FRMPD4: variants seen among roughly 807,000 people sequenced by gnomAD.
The protein encoded by FRMPD4 is FERM and PDZ domain-containing protein 4.
A neutral mutation model predicts 94.1 loss-of-function variants in FRMPD4; 22 were observed. The observed-to-expected ratio is 0.23, with a 90% CI of 0.17 to 0.33. FRMPD4 has a LOEUF of 0.33. Among genes scored for constraint, FRMPD4 ranks in the 10% least tolerant of loss-of-function variants. The pLI is 1.00. For missense variants in FRMPD4, 1,111 were observed against 1,339.9 expected, an observed-to-expected ratio of 0.83 and a Z score of 2.67; for synonymous variants, 631 against 548.6, an observed-to-expected ratio of 1.15 and a Z score of -2.10.
chrX:12,549,682 G>A (rs1472883702), intron 2 of FRMPD4, among the ~76,000 whole-genome samples: 1 of 111,969 alleles, frequency 8.9e-6, no homozygotes, highest in Non-Finnish European at 1.9e-5. Context: ...TGCTGTTAGC[G>A]GCAGTATCCA....
At chrX:12,349,284 T>C (rs2055763897) in intron 1 of FRMPD4, among the ~76,000 whole-genome samples, 1 of 110,252 alleles carries the variant, frequency 9.1e-6, no homozygotes, top group African/African-American at 3.3e-5. Flanking sequence ...CATGCACAGA[T>C]CTCCCCCACA....
Position 12,494,952 on chromosome X carries a change from C to T in FRMPD4, c.42-3728C>T, listed in dbSNP as rs765188236. On this transcript the variant is annotated intron_variant, in intron 1 of 16. Transcript: ENST00000675598. ...GCTAAGCGTTTGAAAGTGGTTCACACAGCCATGCTCTCAGATAGAAGTCAC... is the reference window on the plus strand; with the variant it reads ...GCTAAGCGTTTGAAAGTGGTTCACATAGCCATGCTCTCAGATAGAAGTCAC... The T allele has an allele frequency of 5.4e-4, 271 of 498,553 alleles. No individual in the cohort carries two copies. Among genetic ancestry groups the T allele is most frequent in the Non-Finnish European group, 6.2e-4 (253 of 406,688 alleles). 41.1% of individuals were successfully genotyped at this position (498,553 alleles called of 1,213,427 possible).
At chrX:11,921,842 G>A (rs1304326383) in intron 3 of FRMPD4, among the ~76,000 whole-genome samples, 1 of 112,305 alleles carries the variant, frequency 8.9e-6, no homozygotes. Flanking sequence ...GATACACCTA[G>A]TATCATAAAA....
intron 1 of FRMPD4, among the ~76,000 whole-genome samples, chrX:11,838,575 A>G (rs1365872659): frequency 2.7e-5 from 3 of 111,404 alleles, no homozygotes; most frequent in Non-Finnish European, 5.7e-5. Flanking sequence ...GTCTTAGTTT[A>G]GAATTTTTCC....
intron 4 of FRMPD4, among the ~76,000 whole-genome samples, chrX:12,620,034 G>T: frequency 8.9e-6 from 1 of 112,504 alleles, no homozygotes; most frequent in Non-Finnish European, 1.9e-5. Flanking sequence ...CTCAGCCATG[G>T]TCAGGGAGAC....
chrX:12,351,011 T>G (rs909639393), intron 1 of FRMPD4, among the ~76,000 whole-genome samples: 5 of 110,952 alleles, frequency 4.5e-5, no homozygotes, highest in African/African-American at 9.8e-5. Context: ...CCGTCTCTAC[T>G]AAAAATACAA....
chrX:11,998,404 T>C (rs2054507731), intron 3 of FRMPD4, among the ~76,000 whole-genome samples: 1 of 111,621 alleles, frequency 9.0e-6, no homozygotes, highest in African/African-American at 3.3e-5. Flanking sequence ...GTTTTGTTTT[T>C]GTGGTTGTTA....
chrX:12,142,910 C>T (rs1282526563), intron 1 of FRMPD4, among the ~76,000 whole-genome samples: 1 of 112,220 alleles, frequency 8.9e-6, no homozygotes, highest in Non-Finnish European at 1.9e-5. Context: ...GAAAGTCTCA[C>T]TTTCTGCTTA....
chrX:12,177,264 C>T (rs1284707799), intron 1 of FRMPD4, among the ~76,000 whole-genome samples: 21 of 112,132 alleles, frequency 1.9e-4, no homozygotes, highest in African/African-American at 6.8e-4. Context: ...AGGGTGGTAG[C>T]CACGTGAAGA....
chrX:11,825,735 C>A (rs776033252), intron 1 of FRMPD4, among the ~76,000 whole-genome samples: 1 of 111,957 alleles, frequency 8.9e-6, no homozygotes. Flanking sequence ...ATTGTACCAA[C>A]GTCAATTTCC....
chrX:12,236,515 C>T (rs947028420), intron 1 of FRMPD4, among the ~76,000 whole-genome samples: 12 of 111,130 alleles, frequency 1.1e-4, no homozygotes, highest in African/African-American at 2.9e-4. Context: ...TATAGGGTTT[C>T]ATAAATGTTT....
intron 3 of FRMPD4, among the ~76,000 whole-genome samples, chrX:11,973,945 C>T (rs990203546): frequency 3.6e-5 from 4 of 111,372 alleles, no homozygotes; most frequent in Non-Finnish European, 7.5e-5. Context: ...AGACCCAGGG[C>T]ACAGTTCAAA....
intron 1 of FRMPD4, among the ~76,000 whole-genome samples, chrX:11,823,411 A>G (rs186096978): frequency 2.7e-5 from 3 of 110,797 alleles, no homozygotes; most frequent in East Asian, 2.8e-4. Flanking sequence ...CAAGGAAAGT[A>G]TCATTATCCC....
chrX:11,999,810 C>A (rs2054514746), intron 3 of FRMPD4, among the ~76,000 whole-genome samples: 2 of 111,679 alleles, frequency 1.8e-5, no homozygotes, highest in African/African-American at 6.5e-5. Flanking sequence ...CACACCAGCT[C>A]CCTCAACTAA....
intron 1 of FRMPD4, among the ~76,000 whole-genome samples, chrX:12,188,086 G>A (rs2056445948): frequency 1.8e-5 from 2 of 111,610 alleles, no homozygotes; most frequent in South Asian, 3.8e-4. Context: ...TGGCACAGTG[G>A]CACTGGAGTC....
At chrX:11,944,127 A>G (rs1436952660) in intron 3 of FRMPD4, among the ~76,000 whole-genome samples, 1 of 112,379 alleles carries the variant, frequency 8.9e-6, no homozygotes, top group African/African-American at 3.2e-5. Flanking sequence ...TTTATGATCC[A>G]TCTCCTTTCC....
intron 1 of FRMPD4, among the ~76,000 whole-genome samples, chrX:12,456,476 A>G (rs1360408871): frequency 8.9e-6 from 1 of 112,091 alleles, no homozygotes; most frequent in Admixed American, 9.5e-5. Context: ...GTTTATCAGC[A>G]TATCACTGCT....
chrX:12,264,081 G>C lies in FRMPD4; in HGVS notation c.41+125069G>C, dbSNP rs1487417695. ...GGGGGGACACATTCAAGCCATAGTA[G>C]AGTGAAAGAATGAGAAGAGTCAGTG... On this transcript the variant is annotated intron_variant, in intron 1 of 16. Coordinates refer to ENST00000675598, the MANE Select transcript of FRMPD4 (RefSeq NM_001368397.1). Among the ~76,000 whole-genome samples, 3 of 111,583 alleles carry C rather than the reference G, an allele frequency of 2.7e-5. No individual in the cohort carries two copies. In the Admixed American group the frequency reaches 2.9e-4, roughly 11 times the overall value.
At position 12,611,161 on chromosome X, in the gene FRMPD4, C is replaced by T. The variant is rs148350746; in HGVS notation, c.319+1280C>T. Reference sequence around the variant, plus strand: ...AATCGCCTGAAGTGGGCTGCCTTTACCTTTCCAGAAACAATGTGCTTTTAT... The same window carrying T: ...AATCGCCTGAAGTGGGCTGCCTTTATCTTTCCAGAAACAATGTGCTTTTAT... On this transcript the variant is annotated intron_variant, in intron 3 of 16. Coordinates refer to ENST00000675598, the MANE Select transcript of FRMPD4 (RefSeq NM_001368397.1). 2.7e-5 allele frequency among the ~76,000 whole-genome samples: 3 copies of T among 112,089 alleles called. No homozygotes were observed. In the East Asian group the frequency reaches 8.3e-4, roughly 31 times the overall value.
Sources: gnomAD v4.1 joint callset for allele counts (sites outside exome capture counted in the v4.1 genomes callset) on GRCh38, gnomAD v4.1.1 for gene constraint, MANE v1.5 for transcripts, NCBI Gene and HGNC (gene_info 2026-07-23, HGNC 2026-07-21) for gene names.